The following AGTR1 variants were observed in gnomAD, a reference collection of about 807,000 sequenced individuals.
The protein encoded by AGTR1 is type-1 angiotensin II receptor.
A neutral mutation model predicts 19.4 loss-of-function variants in AGTR1; 16 were observed. That is an observed-to-expected ratio of 0.82 (90% CI 0.56 to 1.25). The LOEUF (loss-of-function observed/expected upper bound fraction) is 1.25. Ranked by LOEUF, AGTR1 falls within the 50% of genes most tolerant of loss-of-function variation. AGTR1 has a pLI of 0.00. For synonymous variants in AGTR1, 153 were observed against 154.9 expected, an observed-to-expected ratio of 0.99 and a Z score of 0.09; for missense variants, 373 against 431.9, an observed-to-expected ratio of 0.86 and a Z score of 1.21.
rs185959750 is a variant in AGTR1 at position 148,706,212 on chromosome 3, C to T, written c.-131-1732C>T. Among the ~76,000 whole-genome samples, 887 of 150,500 alleles carry T rather than the reference C, an allele frequency of 5.9e-3. 8 individuals are homozygous for T. Among genetic ancestry groups the T allele is most frequent in the African/African-American group, 0.021 (858 of 40,010 alleles). On this transcript the variant is annotated intron_variant, in intron 1 of 2. Transcript: ENST00000349243. ...GTACTATAAATCTGACCCTTTCTGT[C>T]ATTTTTTTTTCCTGTGGTACACTAG...
At chr3:148,725,139 A>G (rs1240276007) in intron 2 of AGTR1, among the ~76,000 whole-genome samples, 1 of 152,222 alleles carries the variant, frequency 6.6e-6, no homozygotes, top group Non-Finnish European at 1.5e-5. Context: ...ACTTATATGA[A>G]TACTAGGGGA....
intron 2 of AGTR1, among the ~76,000 whole-genome samples, chr3:148,712,789 C>T (rs1461585014): frequency 1.3e-5 from 2 of 152,132 alleles, no homozygotes; most frequent in Non-Finnish European, 2.9e-5. Flanking sequence ...AATGGGTCAG[C>T]CGTATTTTAT....
At chr3:148,712,923 G>A (rs889803355) in intron 2 of AGTR1, among the ~76,000 whole-genome samples, 1 of 152,148 alleles carries the variant, frequency 6.6e-6, no homozygotes, top group South Asian at 2.1e-4. Context: ...GGCTCACAAT[G>A]TATCAGCTGA....
rs146852476 is a variant in AGTR1, at chr3:148,737,118, A to G, written c.-47-3871A>G. On this transcript the variant is annotated intron_variant, in intron 2 of 2. Coordinates refer to ENST00000349243, the MANE Select transcript of AGTR1 (RefSeq NM_000685.5). Reference sequence around the variant, plus strand: ...CATCTTTATTTCTTTCCTTAGAAACAAATTTCTCTAGGGAAGCTTATCAGT... The same window carrying G: ...CATCTTTATTTCTTTCCTTAGAAACGAATTTCTCTAGGGAAGCTTATCAGT... 1.4e-4 allele frequency among the ~76,000 whole-genome samples: 21 copies of G among 152,308 alleles called. No individual in the cohort carries two copies. In the East Asian group the frequency reaches 1.7e-3, roughly 13 times the overall value.
chr3:148,718,759 G>A (rs930273810), intron 2 of AGTR1, among the ~76,000 whole-genome samples: 6 of 152,010 alleles, frequency 3.9e-5, no homozygotes, highest in Admixed American at 3.9e-4. Context: ...AAACCAAATG[G>A]GAATTCAACC....
intron 1 of AGTR1, among the ~76,000 whole-genome samples, chr3:148,699,932 T>C (rs754324789): frequency 2.0e-5 from 3 of 152,156 alleles, no homozygotes; most frequent in Non-Finnish European, 2.9e-5. Context: ...AAAATTGGTT[T>C]TCTTCCACCG....
chr3:148,730,262 C>T, intron 2 of AGTR1: 3 of 398,418 alleles, frequency 7.5e-6, no homozygotes, highest in South Asian at 1.3e-4. Context: ...TAATTCAGAA[C>T]TTTTGGCTCC....
chr3:148,698,293 C>G (rs543763561), intron 1 of AGTR1, 166 bp downstream of exon 1: 1 of 152,588 alleles, frequency 6.6e-6, no homozygotes, highest in Non-Finnish European at 1.5e-5. Flanking sequence ...GCTGGCCACA[C>G]TTTCCCAAAT....
intron 2 of AGTR1, among the ~76,000 whole-genome samples, chr3:148,718,669 T>G (rs1713432440): frequency 6.6e-6 from 1 of 152,236 alleles, no homozygotes; most frequent in Non-Finnish European, 1.5e-5. Flanking sequence ...CATTAGTTTT[T>G]AAACCTATAT....
intron 2 of AGTR1, 146 bp from the exon 3 acceptor site, chr3:148,740,843 A>T (rs1714830254): frequency 1.2e-5 from 8 of 695,396 alleles, no homozygotes; most frequent in Non-Finnish European, 1.9e-5. Flanking sequence ...ATCAGTTCAC[A>T]GTGTTTCCTT....
chr3:148,742,243 G>C lies in AGTR1; in HGVS notation c.*128G>C, dbSNP rs1353170441. 5 of 1,273,956 alleles carry C rather than the reference G, an allele frequency of 3.9e-6. No homozygotes were observed. The Admixed American group carries it at 5.0e-5, about 13-fold the overall frequency. 78.9% of individuals were successfully genotyped at this position (1,273,956 alleles called of 1,614,324 possible). On this transcript the variant is annotated 3_prime_UTR_variant, in exon 3 of 3. Transcript: ENST00000349243. Reference sequence around the variant, plus strand: ...ATTGAAGGAGAAAATGCATTATGTGGACTGAACCGACTTTTCTAAAGCTCT... The same window carrying C: ...ATTGAAGGAGAAAATGCATTATGTGCACTGAACCGACTTTTCTAAAGCTCT...
chr3:148,720,885 T>C (rs1713594382), intron 2 of AGTR1, among the ~76,000 whole-genome samples: 1 of 152,358 alleles, frequency 6.6e-6, no homozygotes, highest in South Asian at 2.1e-4. Flanking sequence ...TCATTCTACT[T>C]CACAGTTTAG....
intron 2 of AGTR1, among the ~76,000 whole-genome samples, chr3:148,735,597 GAA>G (rs1166176204): frequency 6.6e-6 from 1 of 152,110 alleles, no homozygotes; most frequent in Non-Finnish European, 1.5e-5. Context: ...GAAAATAAAA[GAA>G]GAAGTAGACT....
rs1439665435 is a variant in AGTR1, at chr3:148,734,733, G to T, written c.-47-6256G>T. On this transcript the variant is annotated intron_variant, in intron 2 of 2. Transcript: ENST00000349243. ...ATTCTCCCATGTATCTGACTTAAAA[G>T]CAATACTTGTCTCTTGCCCCATGGT... is the stretch of plus-strand genomic sequence containing the variant. Among the ~76,000 whole-genome samples the T allele has an allele frequency of 3.3e-5, 5 of 152,244 alleles. No individual in the cohort carries two copies. In the East Asian group the frequency reaches 9.6e-4, roughly 29 times the overall value.
intron 2 of AGTR1, among the ~76,000 whole-genome samples, chr3:148,720,398 C>A (rs1038886100): frequency 1.3e-5 from 2 of 152,108 alleles, no homozygotes; most frequent in South Asian, 4.1e-4. Flanking sequence ...AGCATGTTGT[C>A]GACCTCATTT....
intron 2 of AGTR1, among the ~76,000 whole-genome samples, chr3:148,715,923 G>A (rs1713282446): frequency 6.6e-6 from 1 of 152,064 alleles, no homozygotes; most frequent in African/African-American, 2.4e-5. Context: ...GACCGTTAGA[G>A]AGTTTGTGAC....
At chr3:148,714,004 T>C (rs947282862) in intron 2 of AGTR1, among the ~76,000 whole-genome samples, 9 of 152,174 alleles carry the variant, frequency 5.9e-5, no homozygotes, top group Non-Finnish European at 1.3e-4. Context: ...TAAAGTTTCT[T>C]CCCTTTGCCT....
chr3:148,714,478 C>T (rs1197618909), intron 2 of AGTR1, among the ~76,000 whole-genome samples: 1 of 151,806 alleles, frequency 6.6e-6, no homozygotes, highest in African/African-American at 2.4e-5. Context: ...AGCGAGTATG[C>T]CAGGGTCTTC....
At chr3:148,714,995 C>T (rs941670106) in intron 2 of AGTR1, among the ~76,000 whole-genome samples, 1 of 152,102 alleles carries the variant, frequency 6.6e-6, no homozygotes, top group Non-Finnish European at 1.5e-5. Flanking sequence ...CCACTGAGTG[C>T]AAAATGTCAT....
Sources: gnomAD v4.1 joint callset for allele counts (sites outside exome capture counted in the v4.1 genomes callset) on GRCh38, gnomAD v4.1.1 for gene constraint, MANE v1.5 for transcripts, NCBI Gene and HGNC (gene_info 2026-07-23, HGNC 2026-07-21) for gene names.